LARP4B: variants seen among roughly 807,000 people sequenced by gnomAD.
LARP4B encodes the protein la-related protein 4B.
In LARP4B, 12 loss-of-function variants were observed where a neutral mutation model predicts 89.8. The observed-to-expected ratio is 0.13, with a 90% confidence interval of 0.09 to 0.22. The LOEUF is 0.22. Ranked by LOEUF, LARP4B falls within the 10% of genes least tolerant of loss-of-function variation. LARP4B has a pLI of 1.00. For synonymous variants in LARP4B, 367 were observed against 363.3 expected (o/e 1.01, Z -0.12); for missense variants, 757 against 947.7 (o/e 0.80, Z 2.64).
chr10:874,163 G>A (rs1275927883), intron 3 of LARP4B, among the ~76,000 whole-genome samples: 1 of 152,186 alleles, frequency 6.6e-6, no homozygotes, highest in Non-Finnish European at 1.5e-5. Context: ...GAACCCAGGT[G>A]GCAGAGGTTG....
chr10:914,866 A>G (rs1836777544), intron 1 of LARP4B, among the ~76,000 whole-genome samples: 2 of 149,606 alleles, frequency 1.3e-5, no homozygotes, highest in African/African-American at 4.9e-5. Context: ...GGTCAAAACC[A>G]AAGGCTTCAG....
chr10:821,845 T>G (rs948347817), intron 13 of LARP4B, among the ~76,000 whole-genome samples: 34 of 152,226 alleles, frequency 2.2e-4, no homozygotes, highest in African/African-American at 7.7e-4. Flanking sequence ...TTTCTGGAAA[T>G]AGCTCCTGGC....
chr10:868,299 T>G (rs1835019254), intron 3 of LARP4B, among the ~76,000 whole-genome samples: 1 of 151,624 alleles, frequency 6.6e-6, no homozygotes, highest in Non-Finnish European at 1.5e-5. Flanking sequence ...CAGGGCAATT[T>G]GCTGACTTCA....
intron 5 of LARP4B, among the ~76,000 whole-genome samples, chr10:847,264 C>T (rs1429877313): frequency 6.6e-6 from 1 of 152,092 alleles, no homozygotes; most frequent in Non-Finnish European, 1.5e-5. Flanking sequence ...GCAAGAAACA[C>T]CCGGCACTGC....
At chr10:866,149 G>A (rs1159073848) in intron 3 of LARP4B, among the ~76,000 whole-genome samples, 1 of 152,212 alleles carries the variant, frequency 6.6e-6, no homozygotes, top group African/African-American at 2.4e-5. Context: ...GCACCAATGA[G>A]CACCATGCCC....
chr10:977,053 G>C, the LARP4B span, among the ~76,000 whole-genome samples: 3 of 152,214 alleles, frequency 2.0e-5, no homozygotes, highest in African/African-American at 7.2e-5. Flanking sequence ...TTGAGGAACA[G>C]ATCTTTCACT....
intron 1 of LARP4B, among the ~76,000 whole-genome samples, chr10:920,086 T>C (rs1836938608): frequency 6.6e-6 from 1 of 152,248 alleles, no homozygotes; most frequent in Non-Finnish European, 1.5e-5. Context: ...ATTTAAATTA[T>C]CTAACATACA....
the LARP4B span, among the ~76,000 whole-genome samples, chr10:959,340 T>C: frequency 6.7e-5 from 10 of 148,728 alleles, no homozygotes; most frequent in African/African-American, 1.8e-4. Flanking sequence ...TCCCACCTCC[T>C]CATCAATCCC....
intron 3 of LARP4B, among the ~76,000 whole-genome samples, chr10:866,673 C>T (rs551987292): frequency 6.6e-6 from 1 of 152,254 alleles, no homozygotes; most frequent in Admixed American, 6.5e-5. Flanking sequence ...AGTTTTCCAG[C>T]CTCGGTTCCA....
chr10:835,925 T>C (rs1354628473), intron 8 of LARP4B, among the ~76,000 whole-genome samples: 4 of 147,496 alleles, frequency 2.7e-5, no homozygotes, highest in South Asian at 2.1e-4. Flanking sequence ...AGAGCAAGAC[T>C]CCATCTCAAA....
chr10:914,509 A>G (rs1836764387), intron 1 of LARP4B, among the ~76,000 whole-genome samples: 1 of 146,670 alleles, frequency 6.8e-6, no homozygotes, highest in South Asian at 2.2e-4. Context: ...AAAAAAAAAA[A>G]AGTCGAGTGA....
At chr10:900,420 C>CATTTTTTTT (rs1836305930) in intron 1 of LARP4B, among the ~76,000 whole-genome samples, 1 of 45,228 alleles carries the variant, frequency 2.2e-5, no homozygotes, top group Non-Finnish European at 3.8e-5. Flanking sequence ...AGAAGGATGT[C>CATTTTTTTT]TTTTTTTTTT....
At chr10:894,665 A>ATTTTAAAAG (rs1836135012) in intron 1 of LARP4B, among the ~76,000 whole-genome samples, 3 of 152,246 alleles carry the variant, frequency 2.0e-5, no homozygotes, top group African/African-American at 7.2e-5. Context: ...TAGTATTGTT[A>ATTTTAAAAG]TATTTATTTT....
chr10:868,740 C>T (rs1835041334), intron 3 of LARP4B, among the ~76,000 whole-genome samples: 1 of 152,206 alleles, frequency 6.6e-6, no homozygotes, highest in Non-Finnish European at 1.5e-5. Context: ...CCAGTGTGGG[C>T]ACGGAAATAA....
At chr10:956,490 C>T in the LARP4B span, among the ~76,000 whole-genome samples, 703 of 152,092 alleles carry the variant, frequency 4.6e-3, 7 homozygotes, top group African/African-American at 0.016. The surrounding 1 kb of genome is among the most constrained non-coding windows in gnomAD (Gnocchi z 4.3). Context: ...GGACTACAGG[C>T]GCCCGCCACC....
chr10:872,112 G>T (rs1835235326), intron 3 of LARP4B, among the ~76,000 whole-genome samples: 1 of 152,230 alleles, frequency 6.6e-6, no homozygotes, highest in African/African-American at 2.4e-5. Context: ...AATTCAGGGA[G>T]TAGGTCAATA....
chr10:977,712 T>C, the LARP4B span, among the ~76,000 whole-genome samples: 1 of 152,226 alleles, frequency 6.6e-6, no homozygotes, highest in Non-Finnish European at 1.5e-5. Flanking sequence ...TATTAGGTAT[T>C]ATAAATCACC....
At chr10:957,800 CTTTT>C in the LARP4B span, among the ~76,000 whole-genome samples, 1 of 125,104 alleles carries the variant, frequency 8.0e-6, no homozygotes, top group Non-Finnish European at 1.7e-5. Flanking sequence ...CATTTTCTTT[CTTTT>C]TTTTTTTTTT....
chr10:940,800 G>A, the LARP4B span, among the ~76,000 whole-genome samples: 1 of 152,386 alleles, frequency 6.6e-6, no homozygotes, highest in East Asian at 1.9e-4. Context: ...CTGTGTCCAG[G>A]AGGCCACTGC....
Sources: gnomAD v4.1 joint callset for allele counts (sites outside exome capture counted in the v4.1 genomes callset) on GRCh38, gnomAD v4.1.1 for gene constraint, Gnocchi (gnomAD v3.1) non-coding constraint, MANE v1.5 for transcripts, NCBI Gene and HGNC (gene_info 2026-07-23, HGNC 2026-07-21) for gene names.